The following ZC3H14 variants were observed in gnomAD, a reference collection of about 807,000 sequenced individuals.
ZC3H14 encodes zinc finger CCCH-type containing 14.
ZC3H14 carries 31 observed loss-of-function variants against 92.4 expected under a neutral mutation model. That is an observed-to-expected ratio of 0.34 (90% confidence interval 0.25 to 0.45). ZC3H14 has a LOEUF of 0.45. Ranked by LOEUF, ZC3H14 falls within the 20% of genes least tolerant of loss-of-function variation. The pLI is 1.00. For synonymous variants in ZC3H14, 321 were observed against 300.9 expected, an observed-to-expected ratio of 1.07 and a Z score of -0.69; for missense variants, 781 against 897.3, an observed-to-expected ratio of 0.87 and a Z score of 1.66.
chr14:88,604,198 G>A (rs1418293810), intron 12 of ZC3H14, among the ~76,000 whole-genome samples: 1 of 152,102 alleles, frequency 6.6e-6, no homozygotes, highest in African/African-American at 2.4e-5. Context: ...TCCATATGAG[G>A]CTTTATGGGG....
chr14:88,594,322 A>G (rs957145181), intron 9 of ZC3H14: 2 of 878,078 alleles, frequency 2.3e-6, no homozygotes, highest in African/African-American at 3.7e-5. Flanking sequence ...TATGAAGTAA[A>G]TAATAGAAAA....
At chr14:88,603,399 A>T (rs1222485144) in intron 12 of ZC3H14, among the ~76,000 whole-genome samples, 1 of 152,166 alleles carries the variant, frequency 6.6e-6, no homozygotes, top group East Asian at 1.9e-4. Context: ...TTGCCCTTTT[A>T]TCAGCAATAG....
chr14:88,575,895 T>C lies in ZC3H14; in HGVS notation c.1078T>C (p.Ser360Pro). 1 of 1,613,942 alleles carries C rather than the reference T, an allele frequency of 6.2e-7. No individual in the cohort carries two copies. The highest frequency in any genetic ancestry group is 8.5e-7 in the Non-Finnish European group (1 of 1,179,926). The change falls in exon 8 of 17, where the codon TCT becomes CCT. Residue 360 changes from serine to proline, a missense_variant. Transcript: ENST00000251038. The stretch of plus-strand genomic sequence containing the variant: ...CAAGAATCTGATTTTGAAGGCTATA[T>C]CTGAAGCTCAAGAATCCGTAACAAA... ...ANKNLILKAI[S>P]EAQESVTKTT...
chr14:88,594,761 T>C (rs748228079), intron 9 of ZC3H14: 2 of 1,614,102 alleles, frequency 1.2e-6, no homozygotes, highest in East Asian at 2.2e-5. Flanking sequence ...TCACCACCTC[T>C]ACCAATTTTT....
At chr14:88,610,506 C>G (rs2086439217) in intron 15 of ZC3H14, among the ~76,000 whole-genome samples, 1 of 151,850 alleles carries the variant, frequency 6.6e-6, no homozygotes, top group South Asian at 2.1e-4. Context: ...GTTATTGTCT[C>G]CTAAGTTGTA....
At chr14:88,609,530 C>T (rs989461216) in intron 14 of ZC3H14, 127 bp downstream of exon 14, 8 of 1,484,274 alleles carry the variant, frequency 5.4e-6, no homozygotes, top group Middle Eastern at 1.7e-4. Flanking sequence ...TTAATCCAAC[C>T]AGTCTTTAAA....
intron 2 of ZC3H14, among the ~76,000 whole-genome samples, chr14:88,566,893 C>G (rs1236102175): frequency 6.6e-6 from 1 of 150,780 alleles, no homozygotes; most frequent in Non-Finnish European, 1.5e-5. Context: ...ACACTCCAAC[C>G]TGGGAGACAG....
At chr14:88,610,981 C>G (rs748958443) in intron 16 of ZC3H14, 41 bp downstream of exon 16, 1 of 1,563,746 alleles carries the variant, frequency 6.4e-7, no homozygotes, top group Non-Finnish European at 8.8e-7. Context: ...AGTTCAAATT[C>G]TTTTTTCTAA....
chr14:88,580,560 C>T (rs1311364173), intron 9 of ZC3H14, among the ~76,000 whole-genome samples: 5 of 127,166 alleles, frequency 3.9e-5, no homozygotes, highest in Non-Finnish European at 8.7e-5. Flanking sequence ...TCTAAAAGGG[C>T]TCATGAGAAA....
chr14:88,563,723 A>C (rs372731139), intron 2 of ZC3H14, 30 bp downstream of exon 2: 1 of 1,602,124 alleles, frequency 6.2e-7, no homozygotes, highest in Admixed American at 1.7e-5. Context: ...TTAGTCTTAC[A>C]GAATTTAGAG....
intron 9 of ZC3H14, among the ~76,000 whole-genome samples, chr14:88,582,716 T>C (rs1387806085): frequency 6.6e-6 from 1 of 152,164 alleles, no homozygotes; most frequent in Non-Finnish European, 1.5e-5. Flanking sequence ...AGGGGATAAT[T>C]GAAATGGTGT....
Position 88,626,761 on chromosome 14 carries a change from A to G in ZC3H14, c.*15010A>G, listed in dbSNP as rs1028499964. ...CAGATCACAGTATCATCTCAACAAC[A>G]TTCATGTGGCTGATGATCTAAGGCA... On this transcript the variant is annotated 3_prime_UTR_variant, in exon 17 of 17. Coordinates refer to ENST00000251038, the MANE Select transcript of ZC3H14 (RefSeq NM_024824.5). 1.9e-5 allele frequency: 27 copies of G among 1,428,882 alleles called. No homozygotes were observed. The highest frequency in any genetic ancestry group is 5.7e-5 in the Admixed American group (3 of 52,804). The allele number at this position is 1,428,882 out of a possible 1,614,324, so 88.5% of individuals were successfully genotyped here. A position where few individuals can be genotyped will look rare whatever the true frequency, so the allele number is the denominator to read the frequency against.
chr14:88,609,352 T>C lies in ZC3H14; in HGVS notation c.1954T>C (p.Cys652Arg). The change falls in exon 14 of 17, where the codon TGT becomes CGT. Residue 652 changes from cysteine (C) to arginine (R), a missense_variant. Cys to Arg is a radical substitution (Grantham distance 180, BLOSUM62 -3). Around this residue, in one of 3 missense-constraint regions of ZC3H14, gnomAD observed 221 missense variants for 304.7 expected, o/e 0.73. Transcript: ENST00000251038. Reference protein sequence around the residue: ...KYDAKCTKPDCPFTHVSRRIP... With the variant: ...KYDAKCTKPDRPFTHVSRRIP... The stretch of plus-strand genomic sequence containing the variant: ...TGATGCAAAGTGTACTAAACCAGAT[T>C]GTCCCTTCACTCATGTGAGTAGAAG... The C allele has an allele frequency of 1.2e-6, 2 of 1,614,128 alleles. No homozygotes were observed. The highest frequency in any genetic ancestry group is 1.7e-6 in the Non-Finnish European group (2 of 1,179,980).
Position 88,588,086 on chromosome 14 carries a change from A to G in ZC3H14, c.1280-8648A>G, listed in dbSNP as rs926642955. 3.4e-5 allele frequency among the ~76,000 whole-genome samples: 5 copies of G among 149,030 alleles called. No homozygotes were observed. The South Asian group carries it at 8.5e-4, about 25-fold the overall frequency. ...AGGTTCTTCTTTTTTCCCTTCTTTC[A>G]TTGCCTACCTGTACTGTAGCCTAAA... On this transcript the variant is annotated intron_variant, in intron 9 of 16. Coordinates refer to ENST00000251038, the MANE Select transcript of ZC3H14 (RefSeq NM_024824.5).
chr14:88,567,925 A>G (rs1186154225), intron 2 of ZC3H14, 114 bp from the exon 3 acceptor site: 3 of 834,962 alleles, frequency 3.6e-6, no homozygotes, highest in South Asian at 1.4e-5. Flanking sequence ...ATGTAATTCC[A>G]GTAGAGCTCT....
In ZC3H14 at chr14:88,596,861, CATTT is replaced by C. The variant is rs567299398; in HGVS notation, c.1354+54_1354+57del. 717 of 1,416,516 alleles carry C rather than the reference CATTT, an allele frequency of 5.1e-4. 4 individuals carry two copies. The African/African-American group carries it at 8.5e-3, about 17-fold the overall frequency. The allele number at this position is 1,416,516 out of a possible 1,614,324, so 87.7% of individuals were successfully genotyped here. On this transcript the variant is annotated intron_variant, in intron 10 of 16. Transcript: ENST00000251038. ...ATCCAGCCATTTCAGTTGCCATTTC[CATTT>C]CTTACACCCCATTTAACGTATCTCG...
intron 2 of ZC3H14, among the ~76,000 whole-genome samples, chr14:88,567,124 A>ATTTTATT (rs1555395155): frequency 7.6e-5 from 11 of 145,310 alleles, no homozygotes; most frequent in African/African-American, 2.5e-4. Flanking sequence ...TTATTTATTT[A>ATTTTATT]TTTTTTTTTG....
chr14:88,567,541 A>T (rs2079862856), intron 2 of ZC3H14, among the ~76,000 whole-genome samples: 1 of 151,128 alleles, frequency 6.6e-6, no homozygotes, highest in African/African-American at 2.4e-5. Context: ...TTTTTAAATG[A>T]TGTGGAGCTT....
Position 88,599,518 on chromosome 14 carries a change from C to G in ZC3H14, c.1355-2406C>G, listed in dbSNP as rs1437827435. Among the ~76,000 whole-genome samples, 5 of 152,268 alleles carry G rather than the reference C, an allele frequency of 3.3e-5. No individual in the cohort carries two copies. The East Asian group carries it at 9.7e-4, about 29-fold the overall frequency. ...CATGTGACCTGGGCTGCTAACGTTC[C>G]GCTTGCAGAGAGGTGTGCGGGAGGG... is the stretch of plus-strand genomic sequence containing the variant. On this transcript the variant is annotated intron_variant, in intron 10 of 16. Coordinates refer to ENST00000251038, the MANE Select transcript of ZC3H14 (RefSeq NM_024824.5).
Sources: allele counts gnomAD v4.1 joint callset (sites outside exome capture counted in the v4.1 genomes callset), GRCh38; gene constraint gnomAD v4.1.1; regional missense constraint gnomAD v4.1.1; transcripts MANE v1.5; gene names NCBI Gene and HGNC (gene_info 2026-07-23, HGNC 2026-07-21).